Variants in KCNH8 observed in about 807,000 individuals in gnomAD.
KCNH8 encodes the protein potassium voltage-gated channel subfamily H member 8, also known as voltage-gated delayed rectifier potassium channel KCNH8.
Under a neutral mutation model 103.6 loss-of-function variants are expected in KCNH8, and 70 were observed. That is an observed-to-expected ratio of 0.68 (90% CI 0.56 to 0.82). The LOEUF is 0.82. KCNH8 is among the 40% of genes least tolerant of loss of function. The pLI, the probability that KCNH8 is intolerant of heterozygous loss-of-function variation, is 0.00. For missense variants in KCNH8, 1,217 were observed against 1,329.9 expected, an observed-to-expected ratio of 0.92 and a Z score of 1.32; for synonymous variants, 498 against 489.4, an observed-to-expected ratio of 1.02 and a Z score of -0.23.
At chr3:19,444,888 C>T (rs1191729513) in intron 8 of KCNH8, among the ~76,000 whole-genome samples, 2 of 151,992 alleles carry the variant, frequency 1.3e-5, no homozygotes. Flanking sequence ...CTCTCCTATA[C>T]TGTTGATGGG....
At chr3:19,405,549 A>T (rs1009539375) in intron 7 of KCNH8, among the ~76,000 whole-genome samples, 1 of 151,916 alleles carries the variant, frequency 6.6e-6, no homozygotes, top group Non-Finnish European at 1.5e-5. Flanking sequence ...GATTTTGCTG[A>T]AAAGATGTTT....
At chr3:19,237,313 T>C (rs1575458854) in intron 1 of KCNH8, among the ~76,000 whole-genome samples, 1 of 152,328 alleles carries the variant, frequency 6.6e-6, no homozygotes, top group South Asian at 2.1e-4. Context: ...CCAGTGGACA[T>C]GGCCCAATGC....
chr3:19,303,775 C>T (rs1011735039), intron 3 of KCNH8, among the ~76,000 whole-genome samples: 3 of 152,000 alleles, frequency 2.0e-5, no homozygotes, highest in Non-Finnish European at 4.4e-5. Flanking sequence ...AGTGAAGGAC[C>T]TGGAAATTTG....
At position 19,156,620 on chromosome 3, in the gene KCNH8, CA is replaced by C. The variant is rs147942478; in HGVS notation, c.76+7826del. Among the ~76,000 whole-genome samples, 1,274 of 152,116 alleles carry C rather than the reference CA, an allele frequency of 8.4e-3. 17 individuals are homozygous for C. The highest frequency in any genetic ancestry group is 0.028 in the African/African-American group (1,182 of 41,506). On this transcript the variant is annotated intron_variant, in intron 1 of 15. Coordinates refer to ENST00000328405, the MANE Select transcript of KCNH8 (RefSeq NM_144633.3). ...AGCTCATCAAAGAAAATCTAGTGTC[CA>C]TTTTTTTTAAAAAGGAAATCCATTT...
intron 7 of KCNH8, among the ~76,000 whole-genome samples, chr3:19,405,598 T>C (rs1458803934): frequency 5.3e-5 from 8 of 151,932 alleles, no homozygotes; most frequent in African/African-American, 1.7e-4. Context: ...ACGCTTGATA[T>C]ACATTGATGC....
chr3:19,237,010 T>C (rs1445370068), intron 1 of KCNH8, among the ~76,000 whole-genome samples: 2 of 152,240 alleles, frequency 1.3e-5, no homozygotes, highest in East Asian at 3.8e-4. Flanking sequence ...TATAAAATGG[T>C]ATGAGATTGT....
intron 5 of KCNH8, among the ~76,000 whole-genome samples, chr3:19,355,290 G>C (rs575389275): frequency 2.0e-4 from 31 of 152,334 alleles, no homozygotes; most frequent in African/African-American, 7.5e-4. Context: ...TGGTGGGACT[G>C]TAAACTAGTT....
chr3:19,203,423 A>G (rs1263882491), intron 1 of KCNH8, among the ~76,000 whole-genome samples: 3 of 152,106 alleles, frequency 2.0e-5, no homozygotes, highest in African/African-American at 7.2e-5. Flanking sequence ...CAATATAGAA[A>G]TATTAAAATT....
intron 5 of KCNH8, among the ~76,000 whole-genome samples, chr3:19,362,147 GAATT>G (rs2065955229): frequency 6.6e-6 from 1 of 152,040 alleles, no homozygotes; most frequent in Non-Finnish European, 1.5e-5. Flanking sequence ...CTGTGGCTGA[GAATT>G]AAACTAATGT....
At chr3:19,151,543 T>C (rs1455272692) in intron 1 of KCNH8, among the ~76,000 whole-genome samples, 1 of 152,160 alleles carries the variant, frequency 6.6e-6, no homozygotes, top group Non-Finnish European at 1.5e-5. Flanking sequence ...CTTATTAATT[T>C]ATTTTATTGG....
intron 7 of KCNH8, among the ~76,000 whole-genome samples, chr3:19,421,368 A>C (rs1157025425): frequency 6.6e-6 from 1 of 152,100 alleles, no homozygotes; most frequent in South Asian, 2.1e-4. Context: ...TTGATCCCTA[A>C]GGACATTTCT....
intron 3 of KCNH8, among the ~76,000 whole-genome samples, chr3:19,298,661 G>T (rs1169337799): frequency 6.6e-6 from 1 of 152,128 alleles, no homozygotes; most frequent in Non-Finnish European, 1.5e-5. Flanking sequence ...AGTGGCTCAC[G>T]CCTGTAATCC....
chr3:19,385,338 AAAG>A (rs1276099267), intron 5 of KCNH8, among the ~76,000 whole-genome samples: 3 of 152,154 alleles, frequency 2.0e-5, no homozygotes, highest in South Asian at 4.1e-4. Flanking sequence ...TCAATAGAAA[AAAG>A]AAAATTTTTC....
In KCNH8 at chr3:19,291,493, C is replaced by T. The variant is rs1364011404; in HGVS notation, c.442+10164C>T. On this transcript the variant is annotated intron_variant, in intron 3 of 15. Transcript: ENST00000328405. Reference sequence around the variant, plus strand: ...AACATCTTTATTTCTGCCTTCATTTCGTTATGTACCCAGTAGTCATTGAGG... The same window carrying T: ...AACATCTTTATTTCTGCCTTCATTTTGTTATGTACCCAGTAGTCATTGAGG... Among the ~76,000 whole-genome samples the T allele has an allele frequency of 3.9e-5, 6 of 152,208 alleles. No homozygotes were observed. The South Asian group carries it at 6.2e-4, about 16-fold the overall frequency.
chr3:19,367,445 A>G (rs2066029053), intron 5 of KCNH8, among the ~76,000 whole-genome samples: 1 of 147,554 alleles, frequency 6.8e-6, no homozygotes, highest in African/African-American at 2.5e-5. Context: ...TAATATATAT[A>G]TATCAGAAAT....
intron 1 of KCNH8, among the ~76,000 whole-genome samples, chr3:19,245,853 G>A (rs2064197813): frequency 6.6e-6 from 1 of 151,778 alleles, no homozygotes; most frequent in African/African-American, 2.4e-5. Flanking sequence ...GAGTCTTTAG[G>A]GTTTTCTAGG....
At chr3:19,311,130 C>A (rs1268541551) in intron 3 of KCNH8, among the ~76,000 whole-genome samples, 1 of 151,810 alleles carries the variant, frequency 6.6e-6, no homozygotes, top group East Asian at 1.9e-4. Flanking sequence ...TTTATAAGTT[C>A]TTTCTCTGAT....
intron 6 of KCNH8, among the ~76,000 whole-genome samples, chr3:19,394,487 AAG>A (rs35675545): frequency 0.16 from 23,354 of 147,264 alleles, 2,354 homozygotes; most frequent in Middle Eastern, 0.31. Context: ...GAGAGAGAGA[AAG>A]AGAGAGAGAG....
intron 1 of KCNH8, among the ~76,000 whole-genome samples, chr3:19,202,167 T>C (rs1406973108): frequency 1.3e-5 from 2 of 152,168 alleles, no homozygotes; most frequent in African/African-American, 4.8e-5. Context: ...GGTAATCATA[T>C]GTCCTGTTTT....
Sources: allele counts gnomAD v4.1 joint callset (sites outside exome capture counted in the v4.1 genomes callset), GRCh38; gene constraint gnomAD v4.1.1; transcripts MANE v1.5; gene names NCBI Gene and HGNC (gene_info 2026-07-23, HGNC 2026-07-21).